THRAP3: variants seen among roughly 807,000 people sequenced by gnomAD.
THRAP3 encodes the protein thyroid hormone receptor associated protein 3.
A neutral mutation model predicts 101.0 loss-of-function variants in THRAP3; 16 were observed. The ratio of observed to expected loss-of-function variants is 0.16; its 90% CI spans 0.11 to 0.24. THRAP3 has a LOEUF of 0.24. Among genes scored for constraint, THRAP3 ranks in the 10% least tolerant of loss-of-function variants. THRAP3 has a pLI of 1.00. For synonymous variants in THRAP3, 407 were observed against 422.6 expected (o/e 0.96, Z 0.45); for missense variants, 989 against 1,202.7 (o/e 0.82, Z 2.63).
In THRAP3 at chr1:36,289,662, T is replaced by G; in HGVS notation, c.1643T>G (p.Leu548Arg). The change falls in exon 5 of 12, where the codon CTG becomes CGG. Residue 548 changes from leucine to arginine, a missense_variant. Coordinates refer to ENST00000354618, the MANE Select transcript of THRAP3 (RefSeq NM_005119.4). ...PRKTSESRDKLGAKGDFPTGK... is the reference protein window; with the variant it reads ...PRKTSESRDKRGAKGDFPTGK... Reference sequence around the variant, plus strand: ...AAGACCTCTGAGAGCCGAGACAAGCTGGGAGCGAAAGGAGATTTTCCCACA... The same window carrying G: ...AAGACCTCTGAGAGCCGAGACAAGCGGGGAGCGAAAGGAGATTTTCCCACA... 1 of 1,614,194 alleles carries G rather than the reference T, an allele frequency of 6.2e-7. No individual in the cohort carries two copies. The highest frequency in any genetic ancestry group is 8.5e-7 in the Non-Finnish European group (1 of 1,180,036).
intron 1 of THRAP3, among the ~76,000 whole-genome samples, chr1:36,253,875 G>GCTCAC (rs1388804152): frequency 6.6e-6 from 1 of 150,728 alleles, no homozygotes; most frequent in Non-Finnish European, 1.5e-5. Flanking sequence ...AAAGTGTTGG[G>GCTCAC]ATTACAGATG....
intron 1 of THRAP3, among the ~76,000 whole-genome samples, chr1:36,235,661 A>T (rs528380552): frequency 2.0e-4 from 30 of 152,284 alleles, no homozygotes; most frequent in Non-Finnish European, 4.1e-4. Flanking sequence ...TGCTGGTAGC[A>T]GTATAAATTG....
chr1:36,215,092 C>T, the THRAP3 span, among the ~76,000 whole-genome samples: 5 of 151,702 alleles, frequency 3.3e-5, no homozygotes, highest in South Asian at 2.1e-4. Flanking sequence ...AGCATGGTGG[C>T]GGGCGCCTGT....
intron 1 of THRAP3, among the ~76,000 whole-genome samples, chr1:36,246,734 C>T (rs903478053): frequency 1.3e-5 from 2 of 151,782 alleles, no homozygotes; most frequent in Non-Finnish European, 2.9e-5. Flanking sequence ...CCCAGCTGCT[C>T]GGGAGGCTGA....
intron 4 of THRAP3, chr1:36,288,626 A>G (rs1645826030): frequency 1.0e-6 from 1 of 985,454 alleles, no homozygotes; most frequent in South Asian, 4.7e-5. Context: ...TCCAAATGTG[A>G]GTTGTATAAA....
the THRAP3 span, among the ~76,000 whole-genome samples, chr1:36,217,117 T>C: frequency 6.6e-6 from 1 of 152,222 alleles, no homozygotes; most frequent in Non-Finnish European, 1.5e-5. Context: ...CAGTTTTCTC[T>C]GCTTTGAGAG....
At chr1:36,295,237 G>GAA (rs1314084478) in intron 8 of THRAP3, among the ~76,000 whole-genome samples, 3 of 117,168 alleles carry the variant, frequency 2.6e-5, no homozygotes, top group African/African-American at 6.4e-5. Flanking sequence ...AAAAAAAAAG[G>GAA]AAAAAAAAAA....
At chr1:36,213,933 A>C in the THRAP3 span, among the ~76,000 whole-genome samples, 1 of 130,866 alleles carries the variant, frequency 7.6e-6, no homozygotes, top group Admixed American at 7.5e-5. Flanking sequence ...GAAAGAAAGA[A>C]AGAAAGAAAG....
chr1:36,277,805 G>A (rs572258011), intron 2 of THRAP3, among the ~76,000 whole-genome samples: 2 of 152,220 alleles, frequency 1.3e-5, no homozygotes, highest in African/African-American at 2.4e-5. Context: ...TGTCACCCAA[G>A]CTGGATCGCA....
chr1:36,261,660 T>C (rs1645447594), intron 2 of THRAP3, among the ~76,000 whole-genome samples: 3 of 152,102 alleles, frequency 2.0e-5, no homozygotes, highest in African/African-American at 7.2e-5. Flanking sequence ...TCTGGTTGAG[T>C]GTGTGGATCT....
At chr1:36,214,119 C>T in the THRAP3 span, among the ~76,000 whole-genome samples, 5 of 152,174 alleles carry the variant, frequency 3.3e-5, no homozygotes, top group African/African-American at 1.2e-4. Context: ...ACATGACACA[C>T]CTACTGCTGT....
chr1:36,282,504 A>G (rs1645745889), intron 2 of THRAP3, 29 bp from the exon 3 acceptor site: 12 of 1,548,438 alleles, frequency 7.7e-6, no homozygotes, highest in South Asian at 5.7e-5. Context: ...GAACTCACTC[A>G]TTTGTTCTAA....
At chr1:36,208,536 G>A in the THRAP3 span, among the ~76,000 whole-genome samples, 1 of 152,288 alleles carries the variant, frequency 6.6e-6, no homozygotes, top group South Asian at 2.1e-4. Flanking sequence ...GGTGGGGGAA[G>A]GAAAGCACGA....
intron 2 of THRAP3, among the ~76,000 whole-genome samples, chr1:36,270,762 A>AG (rs1476087011): frequency 6.6e-6 from 1 of 151,738 alleles, no homozygotes; most frequent in Non-Finnish European, 1.5e-5. Flanking sequence ...TTTTTAGTAG[A>AG]GATGAGGTTT....
the THRAP3 span, among the ~76,000 whole-genome samples, chr1:36,208,514 C>T: frequency 5.9e-3 from 896 of 152,190 alleles, 6 homozygotes; most frequent in African/African-American, 0.021. Context: ...CTCTGCCCCC[C>T]GGTGTAAAGA....
chr1:36,252,738 C>G (rs912323579), intron 1 of THRAP3, among the ~76,000 whole-genome samples: 1 of 151,406 alleles, frequency 6.6e-6, no homozygotes, highest in African/African-American at 2.4e-5. Context: ...AACCCTGTCT[C>G]TACTAAAAAT....
At chr1:36,239,156 G>A (rs1205229430) in intron 1 of THRAP3, among the ~76,000 whole-genome samples, 6 of 150,808 alleles carry the variant, frequency 4.0e-5, no homozygotes, top group Admixed American at 2.0e-4. Context: ...CGCCCGCCTC[G>A]GCCTCCCAAA....
intron 1 of THRAP3, chr1:36,242,030 C>A: frequency 5.6e-6 from 1 of 177,890 alleles, no homozygotes; most frequent in South Asian, 1.4e-4. Context: ...CTGGTATGCT[C>A]CATGCATCCA....
chr1:36,241,383 GTGTATATATATATATA>G (rs1329802028), intron 1 of THRAP3, among the ~76,000 whole-genome samples: 9,152 of 131,946 alleles, frequency 0.069, 450 homozygotes, highest in East Asian at 0.16. Context: ...ATGATAATGG[GTGTATATATATATATA>G]TATATATATA....
Sources: gnomAD v4.1 joint callset for allele counts (sites outside exome capture counted in the v4.1 genomes callset) on GRCh38, gnomAD v4.1.1 for gene constraint, MANE v1.5 for transcripts, NCBI Gene and HGNC (gene_info 2026-07-23, HGNC 2026-07-21) for gene names.